CYP2C19: variants seen among roughly 807,000 people sequenced by gnomAD.
CYP2C19 encodes the protein cytochrome P450 family 2 subfamily C member 19.
A neutral mutation model predicts 40.9 loss-of-function variants in CYP2C19; 59 were observed. That is an observed-to-expected ratio of 1.44 (90% CI 1.17 to 1.79). The LOEUF is 1.79. Ranked by LOEUF, CYP2C19 falls within the 40% of genes most tolerant of loss-of-function variation. CYP2C19 has a pLI of 0.00. For missense variants in CYP2C19, 754 were observed against 596.9 expected, an observed-to-expected ratio of 1.26 and a Z score of -2.74; for synonymous variants, 253 against 208.7, an observed-to-expected ratio of 1.21 and a Z score of -1.83.
intron 5 of CYP2C19, among the ~76,000 whole-genome samples, chr10:94,800,938 A>G (rs79187906): frequency 0.068 from 10,370 of 152,112 alleles, 404 homozygotes; most frequent in South Asian, 0.12. Flanking sequence ...GCTTCCCTTC[A>G]CTAAGAAAGG....
At chr10:94,792,520 C>T (rs1296274251) in intron 5 of CYP2C19, among the ~76,000 whole-genome samples, 1 of 152,140 alleles carries the variant, frequency 6.6e-6, no homozygotes, top group Non-Finnish European at 1.5e-5. Flanking sequence ...TTTAGCACCT[C>T]CTGCAGGAGC....
At chr10:94,832,320 G>C (rs576334332) in intron 6 of CYP2C19, among the ~76,000 whole-genome samples, 1 of 152,306 alleles carries the variant, frequency 6.6e-6, no homozygotes, top group East Asian at 1.9e-4. Context: ...GAAGGCAAAT[G>C]AGGAGAAAAG....
At chr10:94,849,868 C>T in intron 7 of CYP2C19, 49 bp from the exon 8 acceptor site, 4 of 1,608,812 alleles carry the variant, frequency 2.5e-6, no homozygotes, top group Non-Finnish European at 1.7e-6. Context: ...GTTTCTTAAA[C>T]CTTCGTGACT....
intron 8 of CYP2C19, 46 bp from the exon 9 acceptor site, chr10:94,852,687 C>G (rs770428716): frequency 1.3e-6 from 2 of 1,580,758 alleles, no homozygotes; most frequent in Admixed American, 3.3e-5. Context: ...GTCACTCTCA[C>G]AGTTACACAT....
chr10:94,807,740 T>A (rs1848855063), intron 5 of CYP2C19, among the ~76,000 whole-genome samples: 1 of 152,252 alleles, frequency 6.6e-6, no homozygotes, highest in Non-Finnish European at 1.5e-5. Flanking sequence ...TAGTATTTGT[T>A]TTTTTGTTTC....
intron 6 of CYP2C19, among the ~76,000 whole-genome samples, chr10:94,827,887 G>T (rs1849256565): frequency 6.6e-6 from 1 of 151,966 alleles, no homozygotes; most frequent in East Asian, 1.9e-4. Context: ...TGGTTTCAAA[G>T]AACATCTTTA....
intron 1 of CYP2C19, among the ~76,000 whole-genome samples, chr10:94,771,341 T>C (rs1213533598): frequency 2.0e-5 from 3 of 152,142 alleles, no homozygotes; most frequent in African/African-American, 7.2e-5. Context: ...GGGGGTAAGC[T>C]GAAAAGTCCT....
chr10:94,831,078 A>G (rs1017660586), intron 6 of CYP2C19, among the ~76,000 whole-genome samples: 6 of 152,078 alleles, frequency 3.9e-5, no homozygotes, highest in African/African-American at 1.4e-4. Context: ...TATGTCCATT[A>G]GTTAAATTCT....
At position 94,817,354 on chromosome 10, in the gene CYP2C19, T is replaced by A. The variant is rs1323902181; in HGVS notation, c.820-3142T>A. On this transcript the variant is annotated intron_variant, in intron 5 of 8. Coordinates refer to ENST00000371321, the MANE Select transcript of CYP2C19 (RefSeq NM_000769.4). The stretch of plus-strand genomic sequence containing the variant: ...GTGATGATGAGCATTTTTTCATGTG[T>A]TTTTTGGCTGCATAAATGTCTTCTT... Among the ~76,000 whole-genome samples the A allele has an allele frequency of 3.1e-3, 468 of 150,054 alleles. 3 individuals carry two copies. Among genetic ancestry groups the A allele is most frequent in the African/African-American group, 0.011 (441 of 40,760 alleles).
intron 6 of CYP2C19, among the ~76,000 whole-genome samples, chr10:94,820,862 A>G (rs1263277677): frequency 6.6e-6 from 1 of 152,128 alleles, no homozygotes; most frequent in Admixed American, 6.6e-5. Flanking sequence ...AGGTGGGTGG[A>G]CCATTGAGGC....
At chr10:94,778,131 G>T (rs1848434889) in intron 3 of CYP2C19, among the ~76,000 whole-genome samples, 1 of 152,110 alleles carries the variant, frequency 6.6e-6, no homozygotes, top group South Asian at 2.1e-4. Flanking sequence ...TTCAGTGCAG[G>T]CACAATGCTG....
At chr10:94,772,268 A>G (rs910320092) in intron 1 of CYP2C19, among the ~76,000 whole-genome samples, 2 of 152,154 alleles carry the variant, frequency 1.3e-5, no homozygotes, top group Non-Finnish European at 2.9e-5. Context: ...GGATTCTAAA[A>G]TTCCAGATAG....
chr10:94,851,858 A>T (rs189819455), intron 8 of CYP2C19, among the ~76,000 whole-genome samples: 1 of 152,306 alleles, frequency 6.6e-6, no homozygotes, highest in Admixed American at 6.5e-5. Context: ...AACATATGAA[A>T]TGGGGGGAGG....
chr10:94,827,545 TTCTC>T (rs956408710), intron 6 of CYP2C19, among the ~76,000 whole-genome samples: 9 of 152,298 alleles, frequency 5.9e-5, no homozygotes, highest in African/African-American at 1.7e-4. Context: ...TATTTGATTC[TTCTC>T]TCTCTTTTTC....
intron 5 of CYP2C19, among the ~76,000 whole-genome samples, chr10:94,798,323 A>G (rs1011180039): frequency 6.6e-6 from 1 of 152,118 alleles, no homozygotes; most frequent in Non-Finnish European, 1.5e-5. Context: ...CTTAATCCTG[A>G]GTTATAATTT....
intron 5 of CYP2C19, among the ~76,000 whole-genome samples, chr10:94,811,496 C>T (rs1353166538): frequency 6.6e-5 from 10 of 152,028 alleles, no homozygotes; most frequent in African/African-American, 1.9e-4. Flanking sequence ...AAGCCTCCAT[C>T]TATTATTGTG....
At position 94,762,728 on chromosome 10, in the gene CYP2C19, T is replaced by C. The variant is rs757485026; in HGVS notation, c.23T>C (p.Val8Ala). The part of the protein sequence containing the change: MDPFVVL[V>A]LCLSCLLLLS... The stretch of plus-strand genomic sequence containing the variant: ...TCAATGGATCCTTTTGTGGTCCTTG[T>C]GCTCTGTCTCTCATGTTTGCTTCTC... Residue 8 changes from valine to alanine, a missense_variant, in exon 1 of 9, where the codon GTG becomes GCG. Transcript: ENST00000371321. 1 of 1,613,732 alleles carries C rather than the reference T, an allele frequency of 6.2e-7. No homozygotes were observed. Among genetic ancestry groups the C allele is most frequent in the Non-Finnish European group, 8.5e-7 (1 of 1,179,842 alleles).
chr10:94,853,067 G>T lies in CYP2C19; in HGVS notation c.*153G>T. ...TGAACATTCAGCCTCCATTAAAAAA[G>T]TTTCACTGTGCAAATATATCTGCTA... On this transcript the variant is annotated 3_prime_UTR_variant, in exon 9 of 9. Coordinates refer to ENST00000371321, the MANE Select transcript of CYP2C19 (RefSeq NM_000769.4). 3 of 768,286 alleles carry T rather than the reference G, an allele frequency of 3.9e-6. No individual in the cohort carries two copies. Among genetic ancestry groups the T allele is most frequent in the Non-Finnish European group, 6.2e-6 (3 of 485,900 alleles). The allele number at this position is 768,286 out of a possible 1,614,324, so 47.6% of individuals were successfully genotyped here. A position where few individuals can be genotyped will look rare whatever the true frequency, so the allele number is the denominator to read the frequency against.
chr10:94,835,480 G>T (rs1849388769), intron 6 of CYP2C19, among the ~76,000 whole-genome samples: 1 of 152,194 alleles, frequency 6.6e-6, no homozygotes, highest in African/African-American at 2.4e-5. Context: ...TCCCGGAGGG[G>T]ATTACCCCAT....
Sources: allele counts gnomAD v4.1 joint callset (sites outside exome capture counted in the v4.1 genomes callset), GRCh38; gene constraint gnomAD v4.1.1; transcripts MANE v1.5; gene names NCBI Gene and HGNC (gene_info 2026-07-23, HGNC 2026-07-21).